CDCP1: variants seen among roughly 807,000 people sequenced by gnomAD.
The protein encoded by CDCP1 is CUB domain-containing protein 1.
In CDCP1, 29 loss-of-function variants were observed where a neutral mutation model predicts 60.2. The ratio of observed to expected loss-of-function variants is 0.48; its 90% CI spans 0.36 to 0.66. The LOEUF (loss-of-function observed/expected upper bound fraction) is 0.66. CDCP1 is among the 30% of genes least tolerant of loss of function. The pLI is 0.00. For missense variants in CDCP1, 876 were observed against 1,074.3 expected (o/e 0.82, Z 2.58); for synonymous variants, 387 against 431.1 (o/e 0.90, Z 1.27).
chr3:45,100,653 A>C (rs184713889), intron 4 of CDCP1, among the ~76,000 whole-genome samples: 33 of 152,190 alleles, frequency 2.2e-4, no homozygotes, highest in African/African-American at 7.7e-4. Flanking sequence ...CTTGAATTTT[A>C]TGTCTTTAAA....
intron 1 of CDCP1, among the ~76,000 whole-genome samples, chr3:45,143,094 C>T (rs967322704): frequency 6.6e-6 from 1 of 152,156 alleles, no homozygotes; most frequent in Non-Finnish European, 1.5e-5. Context: ...ATCCCAGCTA[C>T]TCAGGAGGCT....
chr3:45,088,888 T>G (rs1158494977), intron 8 of CDCP1, among the ~76,000 whole-genome samples, 166 bp downstream of exon 8: 1 of 152,078 alleles, frequency 6.6e-6, no homozygotes, highest in Non-Finnish European at 1.5e-5. Flanking sequence ...CATGGGATTT[T>G]TTTTCTCCTG....
At position 45,099,730 on chromosome 3, in the gene CDCP1, A is replaced by G. The variant is rs188540719; in HGVS notation, c.1025-4162T>C. Among the ~76,000 whole-genome samples, 559 of 151,918 alleles carry G rather than the reference A, an allele frequency of 3.7e-3. 2 individuals carry two copies. The highest frequency in any genetic ancestry group is 3.8e-3 in the Non-Finnish European group (257 of 67,960). ...GGAGATATCCTCAACTTTATCTTTC[A>G]GCCCTTTTGACTCTTTCATTTCTGC... On this transcript the variant is annotated intron_variant, in intron 4 of 8. Coordinates refer to ENST00000296129, the MANE Select transcript of CDCP1 (RefSeq NM_022842.5).
chr3:45,142,203 CATCTCCCACTGTCCCACCCACCCTG>C (rs1286373823), intron 1 of CDCP1, among the ~76,000 whole-genome samples: 2 of 152,072 alleles, frequency 1.3e-5, no homozygotes, highest in Non-Finnish European at 2.9e-5. Flanking sequence ...GTGGTCTTAT[CATCTCCCACTGTCCCACCCACCCTG>C]ACCTCAATCA....
intron 1 of CDCP1, among the ~76,000 whole-genome samples, chr3:45,126,117 T>TCTTC (rs1698981798): frequency 8.9e-6 from 1 of 112,622 alleles, no homozygotes; most frequent in Non-Finnish European, 1.8e-5. Flanking sequence ...TCTCTTTCTT[T>TCTTC]CTTTCTTTCT....
Position 45,135,304 on chromosome 3 carries a change from A to C in CDCP1, c.82+10902T>G, listed in dbSNP as rs561931205. The stretch of plus-strand genomic sequence containing the variant: ...ACATTGTGTGGGTGGATAGAAAAAA[A>C]AAAAAACAAAAAACAGATGGTTCTT... On this transcript the variant is annotated intron_variant, in intron 1 of 8. Coordinates refer to ENST00000296129, the MANE Select transcript of CDCP1 (RefSeq NM_022842.5). Among the ~76,000 whole-genome samples, 149 of 152,110 alleles carry C rather than the reference A, an allele frequency of 9.8e-4. 1 individual carries two copies. Among genetic ancestry groups the C allele is most frequent in the African/African-American group, 9.6e-5 (4 of 41,506 alleles).
chr3:45,085,963 T>C lies in CDCP1; in HGVS notation c.2186A>G (p.Asn729Ser), dbSNP rs754888709. The C allele has an allele frequency of 3.1e-6, 5 of 1,614,110 alleles. No individual in the cohort carries two copies. The East Asian group carries it at 8.9e-5, about 29-fold the overall frequency. Residue 729 changes from asparagine to serine, a missense_variant, in exon 9 of 9, where the codon AAT (asparagine) becomes AGT (serine). By Grantham distance (46) the Asn-to-Ser change is conservative (BLOSUM62 1). Transcript: ENST00000296129. The surrounding 1 kb of genome is among the most constrained non-coding windows in gnomAD (Gnocchi z 4.2). ...PKKFQKGRKD[N>S]DSHVYAVIED... ...GATGACTGCATACACATGGGAGTCATTGTCCTTTCGCCCTTTCTGAAACTT... is the reference window on the plus strand; with the variant it reads ...GATGACTGCATACACATGGGAGTCACTGTCCTTTCGCCCTTTCTGAAACTT...
chr3:45,110,274 G>T, intron 4 of CDCP1, 199 bp downstream of exon 4: 1 of 1,417,488 alleles, frequency 7.1e-7, no homozygotes, highest in Non-Finnish European at 9.2e-7. Context: ...TGCTGAAATG[G>T]AACTACATAC....
intron 4 of CDCP1, among the ~76,000 whole-genome samples, chr3:45,098,027 C>T (rs1055740307): frequency 5.3e-5 from 8 of 152,202 alleles, no homozygotes; most frequent in African/African-American, 1.9e-4. Flanking sequence ...AGGACACCTC[C>T]CCACCCCAAA....
In CDCP1 at chr3:45,107,987, A is replaced by G. The variant is rs185704519; in HGVS notation, c.1024+2486T>C. Among the ~76,000 whole-genome samples the G allele has an allele frequency of 2.2e-4, 34 of 152,056 alleles. No homozygotes were observed. In the East Asian group the frequency reaches 3.1e-3, roughly 14 times the overall value. On this transcript the variant is annotated intron_variant, in intron 4 of 8. Transcript: ENST00000296129. ...CAAAAAATTAGTTGGGTGTGGTGGC[A>G]GGCGCCTGTAATCCCAGCTACTCAA...
At position 45,091,481 on chromosome 3, in the gene CDCP1, G is replaced by A; in HGVS notation, c.1685C>T (p.Pro562Leu). Residue 562 changes from proline (P) to leucine (L), a missense_variant, in exon 7 of 9, where the codon CCC becomes CTC. Physicochemically the swap from Pro to Leu is moderately conservative, Grantham distance 98. Coordinates refer to ENST00000296129, the MANE Select transcript of CDCP1 (RefSeq NM_022842.5). The surrounding 1 kb of genome is among the most constrained non-coding windows in gnomAD (Gnocchi z 4.8). ...GGATGGCAGGCCCCGGTCCCAGTTG[G>A]GGGTCCTCAGGTAGACCTTGCTTTT... Reference protein sequence around the residue: ...DTKSKVYLRTPNWDRGLPSLT... With the variant: ...DTKSKVYLRTLNWDRGLPSLT... The A allele has an allele frequency of 6.2e-7, 1 of 1,609,558 alleles. No individual in the cohort carries two copies. The highest frequency in any genetic ancestry group is 2.2e-5 in the East Asian group (1 of 44,750).
intron 2 of CDCP1, among the ~76,000 whole-genome samples, chr3:45,117,646 G>A (rs1018012136): frequency 5.3e-5 from 8 of 151,324 alleles, no homozygotes; most frequent in African/African-American, 1.9e-4. Context: ...ACCCAGGCTG[G>A]AGTGCAGTGG....
chr3:45,136,857 C>T (rs954925754), intron 1 of CDCP1, among the ~76,000 whole-genome samples: 1 of 152,136 alleles, frequency 6.6e-6, no homozygotes, highest in Non-Finnish European at 1.5e-5. Flanking sequence ...GAAGGCAAAT[C>T]AGTGGTTGCC....
chr3:45,123,173 A>T (rs1256715653), intron 1 of CDCP1, among the ~76,000 whole-genome samples: 1 of 152,080 alleles, frequency 6.6e-6, no homozygotes, highest in Non-Finnish European at 1.5e-5. Context: ...TTTCACACAA[A>T]CTCATTTTGC....
At chr3:45,121,006 C>A (rs546643126) in intron 1 of CDCP1, among the ~76,000 whole-genome samples, 49 of 152,242 alleles carry the variant, frequency 3.2e-4, no homozygotes, top group African/African-American at 1.1e-3. Context: ...TTAGTGGTAG[C>A]CCCACGACCA....
Position 45,086,065 on chromosome 3 carries a change from T to A in CDCP1, c.2084A>T (p.Lys695Ile). The stretch of plus-strand genomic sequence containing the variant: ...AGCGGGGCCCTTGTTTGTCTTCTTT[T>A]TCCTATTTGGAAAAATGGAACAAGA... ...GLIICCVKKK[K>I]KKTNKGPAVG... Residue 695 changes from lysine to isoleucine, a missense_variant and splice_region_variant, in exon 9 of 9, where the codon AAA becomes ATA. This residue lies in a region of CDCP1 where 726 missense variants were observed against 935.7 expected (regional missense o/e 0.78). Coordinates refer to ENST00000296129, the MANE Select transcript of CDCP1 (RefSeq NM_022842.5). 6.2e-7 allele frequency: 1 copy of A among 1,612,884 alleles called. No individual in the cohort carries two copies.
At chr3:45,112,495 C>T in intron 2 of CDCP1, 50 bp from the exon 3 acceptor site, 1 of 1,576,286 alleles carries the variant, frequency 6.3e-7, no homozygotes, top group South Asian at 1.2e-5. Context: ...TCCAAGGCCC[C>T]ACACCACTCC....
intron 4 of CDCP1, among the ~76,000 whole-genome samples, chr3:45,097,468 T>A (rs1399353755): frequency 2.6e-5 from 4 of 151,654 alleles, no homozygotes; most frequent in African/African-American, 9.7e-5. Context: ...GGGATCAACT[T>A]GTACTGAGTT....
rs1021451904 is a variant in CDCP1 at position 45,091,690 on chromosome 3, T to C, written c.1628-152A>G. ...ATGGAAATCTTCTAGATCTGCACCA[T>C]CTGATAGGGTAGCCACCAGCTATAT... is the stretch of plus-strand genomic sequence containing the variant. On this transcript the variant is annotated intron_variant, in intron 6 of 8. Transcript: ENST00000296129. This position sits in a 1 kb window ranked among gnomAD's most constrained non-coding sequence, Gnocchi z 4.8. The C allele has an allele frequency of 5.4e-6, 5 of 926,758 alleles. No homozygotes were observed. The highest frequency in any genetic ancestry group is 5.0e-5 in the African/African-American group (3 of 59,886). The allele number at this position is 926,758 out of a possible 1,614,324, so 57.4% of individuals were successfully genotyped here.
Sources: allele counts gnomAD v4.1 joint callset (sites outside exome capture counted in the v4.1 genomes callset), GRCh38; gene constraint gnomAD v4.1.1; regional missense constraint gnomAD v4.1.1; non-coding constraint Gnocchi (gnomAD v3.1); transcripts MANE v1.5; gene names NCBI Gene and HGNC (gene_info 2026-07-23, HGNC 2026-07-21).